The following NUP188 variants were observed in gnomAD, a reference collection of about 807,000 sequenced individuals.
NUP188 encodes the protein nucleoporin 188.
Under a neutral mutation model 223.0 loss-of-function variants are expected in NUP188, and 97 were observed. The ratio of observed to expected loss-of-function variants is 0.43; its 90% CI spans 0.37 to 0.51. The LOEUF (loss-of-function observed/expected upper bound fraction) is 0.51. Ranked by LOEUF, NUP188 falls within the 20% of genes least tolerant of loss-of-function variation. The pLI is 0.00. For synonymous variants in NUP188, 869 were observed against 828.0 expected (o/e 1.05, Z -0.85); for missense variants, 1,947 against 2,175.6 (o/e 0.89, Z 2.09).
Position 128,981,853 on chromosome 9 carries a change from G to A in NUP188, c.1516+463G>A, listed in dbSNP as rs372822971. ...ACTGGGATTACAGGCCAAGGTGGGCGGATCACGTGAGGTCGGGAGTTCGAG... is the reference window on the plus strand; with the variant it reads ...ACTGGGATTACAGGCCAAGGTGGGCAGATCACGTGAGGTCGGGAGTTCGAG... On this transcript the variant is annotated intron_variant, in intron 15 of 43. Coordinates refer to ENST00000372577, the MANE Select transcript of NUP188 (RefSeq NM_015354.3). Among the ~76,000 whole-genome samples, 256 of 152,224 alleles carry A rather than the reference G, an allele frequency of 1.7e-3. 1 individual carries two copies. The South Asian group carries it at 0.023, about 13-fold the overall frequency.
chr9:129,005,965 T>G lies in NUP188; in HGVS notation c.4870-85T>G, dbSNP rs559848325. ...AAATGAGGTAACTGATTAAATTTGCTTAGTGCAGGACATGCAAGTAGGAAG... is the reference window on the plus strand; with the variant it reads ...AAATGAGGTAACTGATTAAATTTGCGTAGTGCAGGACATGCAAGTAGGAAG... On this transcript the variant is annotated intron_variant, in intron 41 of 43. Transcript: ENST00000372577. 1.4e-5 allele frequency: 21 copies of G among 1,486,296 alleles called. No individual in the cohort carries two copies. In the South Asian group the frequency reaches 2.2e-4, roughly 15 times the overall value. 92.1% of individuals were successfully genotyped at this position (1,486,296 alleles called of 1,614,324 possible).
rs1842602712 is a variant in NUP188, at chr9:128,999,630, A to G, written c.3668A>G (p.Asp1223Gly). The change falls in exon 34 of 44, where the codon GAC becomes GGC. Residue 1223 changes from aspartate to glycine, a missense_variant. Asp to Gly is a moderately conservative substitution (Grantham distance 94, BLOSUM62 -1). Coordinates refer to ENST00000372577, the MANE Select transcript of NUP188 (RefSeq NM_015354.3). Reference protein sequence around the residue: ...VLQMKEMKVSDIPQYSQLVLN... With the variant: ...VLQMKEMKVSGIPQYSQLVLN... ...CTCCCTGTCTATTCTACAGTAAGTG[A>G]CATCCCCCAGTACTCCCAGCTGGTG... 1 of 1,613,898 alleles carries G rather than the reference A, an allele frequency of 6.2e-7. No homozygotes were observed. Among genetic ancestry groups the G allele is most frequent in the African/African-American group, 1.3e-5 (1 of 74,902 alleles).
At position 128,993,404 on chromosome 9, in the gene NUP188, G is replaced by T. The variant is rs755759926; in HGVS notation, c.2847+1G>T. 3 of 1,614,108 alleles carry T rather than the reference G, an allele frequency of 1.9e-6. No homozygotes were observed. Among genetic ancestry groups the T allele is most frequent in the Non-Finnish European group, 2.5e-6 (3 of 1,179,958 alleles). On this transcript the variant is annotated splice_donor_variant, in intron 26 of 43. Transcript: ENST00000372577. LOFTEE classifies it high-confidence loss of function. The stretch of plus-strand genomic sequence containing the variant: ...TAAGGATGGCAGTGATGGCTCAAAG[G>T]TAAGCCTGTAACCTGGGATGACACT...
intron 8 of NUP188, among the ~76,000 whole-genome samples, chr9:128,960,954 A>G (rs1272672454): frequency 6.6e-6 from 1 of 151,884 alleles, no homozygotes; most frequent in Non-Finnish European, 1.5e-5. Context: ...GTGTGGTGGC[A>G]CCCATCTGTA....
intron 3 of NUP188, 144 bp from the exon 4 acceptor site, chr9:128,956,206 T>C (rs1015887582): frequency 2.6e-5 from 12 of 463,596 alleles, no homozygotes; most frequent in African/African-American, 1.1e-4. Flanking sequence ...TGTGTGTGTG[T>C]GTGTGCGTGT....
intron 25 of NUP188, chr9:128,992,965 TA>T: frequency 1.9e-6 from 1 of 535,730 alleles, no homozygotes; most frequent in South Asian, 2.2e-5. Context: ...AGTTTGTATT[TA>T]TTTAACCATG....
Position 128,981,349 on chromosome 9 carries a change from C to T in NUP188, c.1475C>T (p.Thr492Ile). 1 of 1,613,934 alleles carries T rather than the reference C, an allele frequency of 6.2e-7. No homozygotes were observed. The highest frequency in any genetic ancestry group is 8.5e-7 in the Non-Finnish European group (1 of 1,179,940). Residue 492 changes from threonine to isoleucine, a missense_variant, in exon 15 of 44, where the codon ACT becomes ATT. By Grantham distance (89) the Thr-to-Ile change is moderately conservative. Coordinates refer to ENST00000372577, the MANE Select transcript of NUP188 (RefSeq NM_015354.3). ...GATGTGATCTCCCATGAAGATGGAA[C>T]TCTTTGGCGGAGACAAACACCCAAA... Reference protein sequence around the residue: ...PHDVISHEDGTLWRRQTPKLL... With the variant: ...PHDVISHEDGILWRRQTPKLL...
intron 1 of NUP188, 177 bp downstream of exon 1, chr9:128,947,928 C>A: frequency 2.2e-6 from 1 of 456,328 alleles, no homozygotes; most frequent in Non-Finnish European, 3.6e-6. Context: ...GCGCGGGGAT[C>A]TGAAGAGTCT....
At chr9:129,002,031 T>A (rs932205027) in intron 36 of NUP188, 55 bp downstream of exon 36, 8 of 1,411,552 alleles carry the variant, frequency 5.7e-6, no homozygotes, top group Non-Finnish European at 8.0e-6. Context: ...CAGTTCCAGT[T>A]GAAAAGTGTC....
chr9:128,952,354 G>T (rs772747629), intron 2 of NUP188, among the ~76,000 whole-genome samples: 15 of 150,258 alleles, frequency 1.0e-4, no homozygotes, highest in Non-Finnish European at 1.9e-4. Context: ...AGCCAAGATT[G>T]CGCCACTGCA....
At chr9:128,964,711 T>A (rs960769779) in intron 8 of NUP188, among the ~76,000 whole-genome samples, 11 of 148,856 alleles carry the variant, frequency 7.4e-5, no homozygotes, top group African/African-American at 2.5e-4. Flanking sequence ...TTTTAATTTT[T>A]TTTTTTTTTT....
chr9:129,005,888 T>C, intron 41 of NUP188, 112 bp downstream of exon 41: 1 of 1,443,896 alleles, frequency 6.9e-7, no homozygotes, highest in Non-Finnish European at 9.5e-7. Context: ...CCAAGCCTGC[T>C]CCTCTCTGTA....
intron 8 of NUP188, 130 bp downstream of exon 8, chr9:128,959,264 TC>T: frequency 1.6e-6 from 1 of 629,108 alleles, no homozygotes. Flanking sequence ...TAAGCAATTC[TC>T]CTACCTCAGT....
intron 11 of NUP188, among the ~76,000 whole-genome samples, chr9:128,972,195 C>T: frequency 6.6e-6 from 1 of 152,162 alleles, no homozygotes; most frequent in Non-Finnish European, 1.5e-5. Flanking sequence ...AACTCGAAAG[C>T]AACTAAAAGG....
chr9:128,983,049 C>G (rs1419485045), intron 17 of NUP188, 21 bp downstream of exon 17: 1 of 1,612,928 alleles, frequency 6.2e-7, no homozygotes, highest in Non-Finnish European at 8.5e-7. Flanking sequence ...CTTGGCTGAC[C>G]CTCAGCTGCC....
Position 128,963,526 on chromosome 9 carries a change from A to T in NUP188, c.585+4392A>T, listed in dbSNP as rs78930696. Among the ~76,000 whole-genome samples, 407 of 152,062 alleles carry T rather than the reference A, an allele frequency of 2.7e-3. 7 individuals carry two copies. In the East Asian group the frequency reaches 0.042, roughly 16 times the overall value. ...GCCGTAAATGAAATTTTTATAAAGA[A>T]TTGATAAATTGTTTATCCATAGTGG... On this transcript the variant is annotated intron_variant, in intron 8 of 43. Coordinates refer to ENST00000372577, the MANE Select transcript of NUP188 (RefSeq NM_015354.3).
At position 128,990,037 on chromosome 9, in the gene NUP188, G is replaced by A. The variant is rs780814034; in HGVS notation, c.2534-83G>A. ...GGGTAAATTCCTTCACATACACACT[G>A]TGGGTCTTTTTTGAACAGTCAGTGC... is the stretch of plus-strand genomic sequence containing the variant. On this transcript the variant is annotated intron_variant, in intron 24 of 43. Coordinates refer to ENST00000372577, the MANE Select transcript of NUP188 (RefSeq NM_015354.3). 3.8e-6 allele frequency: 4 copies of A among 1,048,994 alleles called. No individual in the cohort carries two copies. The East Asian group carries it at 7.1e-5, about 19-fold the overall frequency. 65.0% of individuals were successfully genotyped at this position (1,048,994 alleles called of 1,614,324 possible). A position where few individuals can be genotyped will look rare whatever the true frequency, so the allele number is the denominator to read the frequency against.
chr9:128,959,955 C>G (rs1474349034), intron 8 of NUP188, among the ~76,000 whole-genome samples: 1 of 151,556 alleles, frequency 6.6e-6, no homozygotes, highest in Non-Finnish European at 1.5e-5. Flanking sequence ...AGTTTACTTT[C>G]ATTTCTTACC....
chr9:129,003,195 C>G (rs1359098236), intron 37 of NUP188, 122 bp from the exon 38 acceptor site: 1 of 1,280,516 alleles, frequency 7.8e-7, no homozygotes. Context: ...ACCACTAAGC[C>G]ATTTCTTTGC....
Sources: allele counts gnomAD v4.1 joint callset (sites outside exome capture counted in the v4.1 genomes callset), GRCh38; gene constraint gnomAD v4.1.1; transcripts MANE v1.5; gene names NCBI Gene and HGNC (gene_info 2026-07-23, HGNC 2026-07-21).